Variants in NAV2 observed in about 807,000 individuals in gnomAD.
NAV2 encodes the protein helicase, APC down-regulated 1.
Under a neutral mutation model 223.2 loss-of-function variants are expected in NAV2, and 54 were observed. The observed-to-expected ratio is 0.24, with a 90% CI of 0.19 to 0.30. The LOEUF (loss-of-function observed/expected upper bound fraction) is 0.30. NAV2 is among the 10% of genes least tolerant of loss of function. The probability of loss-of-function intolerance (pLI) is 1.00; values close to 1 mark genes in which losing one functional copy is unlikely to be tolerated. For missense variants in NAV2, 2,806 were observed against 3,147.5 expected (o/e 0.89, Z 2.60); for synonymous variants, 1,279 against 1,239.3 (o/e 1.03, Z -0.67).
chr11:20,019,440 G>T (rs1470741497), intron 11 of NAV2, among the ~76,000 whole-genome samples: 7 of 152,126 alleles, frequency 4.6e-5, no homozygotes, highest in Non-Finnish European at 7.3e-5. Flanking sequence ...TTTGAGTAAG[G>T]TAAATTTGAT....
chr11:20,035,289 CA>C (rs899774849), intron 11 of NAV2, among the ~76,000 whole-genome samples: 1 of 151,980 alleles, frequency 6.6e-6, no homozygotes, highest in Non-Finnish European at 1.5e-5. Flanking sequence ...GTGGTATTGG[CA>C]GGTGGGGAGA....
rs1411144328 is a variant in NAV2 at position 20,062,341 on chromosome 11, A to G, written c.4866A>G (p.Thr1622=). ...CCTCACTCTCCTTGGTTTCCAGCACATCGTCAGTTTATTCTACAGTGAGTA... is the reference window on the plus strand; with the variant it reads ...CCTCACTCTCCTTGGTTTCCAGCACGTCGTCAGTTTATTCTACAGTGAGTA... The part of the protein sequence containing the change: ...HGSSLSLVSS[T]SSVYSTPEEK... Residue 1622 remains threonine, a synonymous_variant, in exon 20 of 38, where the codon ACA becomes ACG. Coordinates refer to ENST00000349880, the MANE Select transcript of NAV2 (RefSeq NM_145117.5). 3 of 1,611,758 alleles carry G rather than the reference A, an allele frequency of 1.9e-6. No homozygotes were observed. Among genetic ancestry groups the G allele is most frequent in the Admixed American group, 1.7e-5 (1 of 59,932 alleles).
At chr11:19,413,072 T>G (rs1850214361) in intron 1 of NAV2, among the ~76,000 whole-genome samples, 1 of 152,098 alleles carries the variant, frequency 6.6e-6, no homozygotes, top group South Asian at 2.1e-4. Flanking sequence ...GGACGGAGAA[T>G]GAGTTTGAAA....
intron 1 of NAV2, among the ~76,000 whole-genome samples, chr11:19,482,747 A>G (rs903132743): frequency 1.3e-5 from 2 of 152,258 alleles, no homozygotes; most frequent in Non-Finnish European, 2.9e-5. Flanking sequence ...CCACCTGAGC[A>G]ACGCCCAACA....
chr11:20,026,320 A>AT (rs1298084916), intron 11 of NAV2, among the ~76,000 whole-genome samples: 1 of 150,776 alleles, frequency 6.6e-6, no homozygotes, highest in Non-Finnish European at 1.5e-5. Context: ...TTTTATTTTT[A>AT]TTTTTTTTGA....
At chr11:19,361,849 T>C (rs1245620904) in intron 1 of NAV2, among the ~76,000 whole-genome samples, 1 of 152,184 alleles carries the variant, frequency 6.6e-6, no homozygotes, top group Admixed American at 6.5e-5. Flanking sequence ...TGGATTCCTA[T>C]AGAGTCTCCA....
At chr11:19,957,790 C>T (rs2048005205) in intron 10 of NAV2, among the ~76,000 whole-genome samples, 1 of 152,194 alleles carries the variant, frequency 6.6e-6, no homozygotes, top group Non-Finnish European at 1.5e-5. Context: ...AAGAGATTTA[C>T]TGGGGGACAG....
At chr11:19,603,483 CT>C (rs1264388862) in intron 1 of NAV2, among the ~76,000 whole-genome samples, 1 of 151,860 alleles carries the variant, frequency 6.6e-6, no homozygotes, top group Non-Finnish European at 1.5e-5. Flanking sequence ...AAAAATTACC[CT>C]GGCATGGTGG....
intron 1 of NAV2, among the ~76,000 whole-genome samples, chr11:19,664,182 T>C (rs2135751241): frequency 6.6e-6 from 1 of 152,388 alleles, no homozygotes; most frequent in East Asian, 1.9e-4. Flanking sequence ...ACTTGATAGA[T>C]AGGCCTTAGA....
At chr11:19,879,736 C>A (rs2153087359) in intron 4 of NAV2, 133 bp from the exon 5 acceptor site, 1 of 1,018,920 alleles carries the variant, frequency 9.8e-7, no homozygotes, top group Non-Finnish European at 1.5e-6. Context: ...ATTTTAATTG[C>A]CTGTGATACC....
At position 19,713,684 on chromosome 11, in the gene NAV2, C is replaced by A. The variant is rs2050026605; in HGVS notation, c.-12C>A. 6.5e-7 allele frequency: 1 copy of A among 1,548,560 alleles called. No homozygotes were observed. Among genetic ancestry groups the A allele is most frequent in the Non-Finnish European group, 8.7e-7 (1 of 1,145,024 alleles). On this transcript the variant is annotated 5_prime_UTR_variant, in exon 1 of 38. Transcript: ENST00000349880. This position sits in a 1 kb window ranked among gnomAD's most constrained non-coding sequence, Gnocchi z 7.2. ...CAGGGACGTGCTGGGAAAGCCCAAG[C>A]CCCGGGAGAAGATGCCGGCCATCCT...
intron 11 of NAV2, among the ~76,000 whole-genome samples, chr11:20,011,097 C>T (rs1186306557): frequency 6.6e-6 from 1 of 152,154 alleles, no homozygotes; most frequent in African/African-American, 2.4e-5. Context: ...GCTGTTAGGC[C>T]ATCAAACTAG....
intron 1 of NAV2, chr11:19,384,772 G>A (rs1848970959): frequency 6.6e-6 from 1 of 152,224 alleles, no homozygotes; most frequent in South Asian, 2.1e-4. Flanking sequence ...CATCTGGTAT[G>A]GAAGCGTTCA....
At chr11:19,947,904 A>G (rs2047059803) in intron 9 of NAV2, among the ~76,000 whole-genome samples, 1 of 151,980 alleles carries the variant, frequency 6.6e-6, no homozygotes, top group Non-Finnish European at 1.5e-5. Context: ...GTTGGGAGGG[A>G]GCTGAGGATG....
chr11:19,432,995 G>A (rs746620366), intron 1 of NAV2, among the ~76,000 whole-genome samples: 11 of 152,168 alleles, frequency 7.2e-5, no homozygotes, highest in Non-Finnish European at 1.5e-4. Context: ...TCAAACTGTG[G>A]CCAGCTCCTG....
chr11:19,697,340 C>T (rs563501694), intron 1 of NAV2, among the ~76,000 whole-genome samples: 2 of 152,068 alleles, frequency 1.3e-5, no homozygotes, highest in South Asian at 4.2e-4. Context: ...TGCTTTTGGC[C>T]TGGATGATGG....
At chr11:19,503,926 G>T (rs907510272) in intron 1 of NAV2, 1 of 152,086 alleles carries the variant, frequency 6.6e-6, no homozygotes, top group African/African-American at 2.4e-5. Context: ...ATCTGATCGA[G>T]GATTGTTATC....
chr11:19,451,332 G>A (rs113998821), intron 1 of NAV2, among the ~76,000 whole-genome samples: 3 of 152,062 alleles, frequency 2.0e-5, no homozygotes, highest in Non-Finnish European at 4.4e-5. Flanking sequence ...TATCCCCCAA[G>A]CAGCACAGAG....
chr11:19,777,766 A>C (rs2056384679), intron 1 of NAV2: 3 of 433,744 alleles, frequency 6.9e-6, no homozygotes, highest in Admixed American at 2.4e-5. Context: ...GGGCTGCATT[A>C]TCTCTCCGTC....
Sources: allele counts gnomAD v4.1 joint callset (sites outside exome capture counted in the v4.1 genomes callset), GRCh38; gene constraint gnomAD v4.1.1; non-coding constraint Gnocchi (gnomAD v3.1); transcripts MANE v1.5; gene names NCBI Gene and HGNC (gene_info 2026-07-23, HGNC 2026-07-21).